Variants in KIAA2012 observed in about 807,000 individuals in gnomAD.
KIAA2012 encodes uncharacterized protein KIAA2012.
Under a neutral mutation model 150.6 loss-of-function variants are expected in KIAA2012, and 125 were observed. That is an observed-to-expected ratio of 0.83 (90% CI 0.72 to 0.96). The LOEUF (loss-of-function observed/expected upper bound fraction) is 0.96. Among genes scored for constraint, KIAA2012 ranks in the 40% least tolerant of loss-of-function variants. The probability of loss-of-function intolerance (pLI) is 0.00; values close to 1 mark genes in which losing one functional copy is unlikely to be tolerated. For missense variants in KIAA2012, 1,219 were observed against 1,354.9 expected, an observed-to-expected ratio of 0.90 and a Z score of 1.57; for synonymous variants, 462 against 504.7, an observed-to-expected ratio of 0.92 and a Z score of 1.13.
chr2:202,162,141 TGC>T lies in KIAA2012; in HGVS notation c.2047-3142_2047-3141del. Reference sequence around the variant, plus strand: ...CTCCCTTCCCTTGAACAACTGGAGTTGCTAGTTTCCTGTGTCCCCTTCCTAGA... The same window carrying T: ...CTCCCTTCCCTTGAACAACTGGAGTTTAGTTTCCTGTGTCCCCTTCCTAGA... On this transcript the variant is annotated intron_variant, in intron 14 of 23. Coordinates refer to ENST00000498697, the MANE Select transcript of KIAA2012 (RefSeq NM_001277372.4). Among the ~76,000 whole-genome samples, 2 of 152,168 alleles carry T rather than the reference TGC, an allele frequency of 1.3e-5. 1 individual carries two copies. Among genetic ancestry groups the T allele is most frequent in the South Asian group, 4.1e-4 (2 of 4,826 alleles).
At chr2:202,161,117 G>T (rs1368137510) in intron 14 of KIAA2012, among the ~76,000 whole-genome samples, 3 of 152,114 alleles carry the variant, frequency 2.0e-5, no homozygotes, top group Admixed American at 2.0e-4. Flanking sequence ...AGAAACTGAG[G>T]CTCAGGGGTT....
chr2:202,184,907 G>C (rs1324700571), intron 16 of KIAA2012, 64 bp downstream of exon 16: 1 of 1,370,318 alleles, frequency 7.3e-7, no homozygotes, highest in Non-Finnish European at 9.9e-7. Context: ...ATTTTTAATT[G>C]GTTTAGTTTG....
At chr2:202,109,812 G>A (rs947424979) in intron 10 of KIAA2012, 23 bp downstream of exon 10, 1 of 1,512,092 alleles carries the variant, frequency 6.6e-7, no homozygotes, top group Admixed American at 2.3e-5. Flanking sequence ...AGAGTGCATA[G>A]ACGCCCCCCA....
chr2:202,077,523 A>C (rs1212336322), intron 2 of KIAA2012, among the ~76,000 whole-genome samples: 1 of 152,246 alleles, frequency 6.6e-6, no homozygotes, highest in East Asian at 1.9e-4. Context: ...TACAAAACAG[A>C]ATATGTAGTC....
intron 2 of KIAA2012, among the ~76,000 whole-genome samples, chr2:202,083,455 C>T (rs972602464): frequency 2.0e-5 from 3 of 148,334 alleles, no homozygotes; most frequent in East Asian, 2.1e-4. Context: ...ACAGGTGCAA[C>T]GACAATGATC....
rs1409451827 is a variant in KIAA2012, at chr2:202,109,799, C to T, written c.1651+10C>T. On this transcript the variant is annotated intron_variant, in intron 10 of 23. Transcript: ENST00000498697. ...CTGCCAGCAGCTCAAGGTAATCATT[C>T]CCAGAGTGCATAGACGCCCCCCACT... is the stretch of plus-strand genomic sequence containing the variant. The T allele has an allele frequency of 6.5e-7, 1 of 1,538,674 alleles. No homozygotes were observed. The highest frequency in any genetic ancestry group is 8.8e-7 in the Non-Finnish European group (1 of 1,142,178).
Position 202,173,075 on chromosome 2 carries a change from G to A in KIAA2012, c.2119+7719G>A, listed in dbSNP as rs568989083. ...GAAGTAGGAAGTGGTGCACGCTTAA[G>A]AATGTTTCTGGTTTACTCCTACACA... On this transcript the variant is annotated intron_variant, in intron 15 of 23. Transcript: ENST00000498697. Among the ~76,000 whole-genome samples the A allele has an allele frequency of 2.0e-5, 3 of 152,296 alleles. No individual in the cohort carries two copies. In the South Asian group the frequency reaches 6.2e-4, roughly 32 times the overall value.
chr2:202,098,850 G>A (rs1039487903), intron 5 of KIAA2012, among the ~76,000 whole-genome samples: 6 of 151,242 alleles, frequency 4.0e-5, no homozygotes, highest in African/African-American at 9.7e-5. Flanking sequence ...GATAACAATT[G>A]TTCAGAGCAA....
In KIAA2012 at chr2:202,202,416, G is replaced by C; in HGVS notation, c.3408-13G>C. ...AATCATTATTGGAATTGGGGGTGGG[G>C]TTGTCTCCTTAGGCAAAAAGCTGCT... is the stretch of plus-strand genomic sequence containing the variant. On this transcript the variant is annotated splice_polypyrimidine_tract_variant and intron_variant, in intron 22 of 23. Coordinates refer to ENST00000498697, the MANE Select transcript of KIAA2012 (RefSeq NM_001277372.4). 1 of 399,724 alleles carries C rather than the reference G, an allele frequency of 2.5e-6. No homozygotes were observed. The highest frequency in any genetic ancestry group is 4.4e-6 in the Non-Finnish European group (1 of 226,692). The allele number at this position is 399,724 out of a possible 1,614,324, so 24.8% of individuals were successfully genotyped here.
chr2:202,152,853 T>G lies in KIAA2012; in HGVS notation c.1909-1820T>G, dbSNP rs567056893. On this transcript the variant is annotated intron_variant, in intron 13 of 23. Transcript: ENST00000498697. ...TCATCATTAATGTTTAAAAGTAATA[T>G]AAATGTTATGGGAGGGAGAGTTTAT... 1.8e-4 allele frequency among the ~76,000 whole-genome samples: 28 copies of G among 152,262 alleles called. 1 individual carries two copies. Among genetic ancestry groups the G allele is most frequent in the South Asian group, 4.2e-4 (2 of 4,818 alleles).
At chr2:202,092,598 G>A (rs1046961402) in intron 3 of KIAA2012, among the ~76,000 whole-genome samples, 4 of 152,028 alleles carry the variant, frequency 2.6e-5, no homozygotes, top group African/African-American at 4.8e-5. Context: ...CTGGCTAGCC[G>A]AGGGGTGGGC....
chr2:202,129,098 G>A (rs1351888020), intron 12 of KIAA2012, among the ~76,000 whole-genome samples: 10 of 151,588 alleles, frequency 6.6e-5, no homozygotes, highest in Non-Finnish European at 1.5e-4. Context: ...TGGGCAGCAA[G>A]AGCAAAACTC....
At chr2:202,201,464 G>A in intron 22 of KIAA2012, 1 of 1,592,992 alleles carries the variant, frequency 6.3e-7, no homozygotes, top group Non-Finnish European at 8.6e-7. Flanking sequence ...CTGCCTGCAT[G>A]ACTGCAAGCT....
At chr2:202,100,553 A>G (rs1690017250) in intron 7 of KIAA2012, 104 bp downstream of exon 7, 1 of 1,315,392 alleles carries the variant, frequency 7.6e-7, no homozygotes, top group South Asian at 1.6e-5. Context: ...AGGATGTCTC[A>G]AAAGAGAACT....
chr2:202,088,924 G>A (rs1053439620), intron 2 of KIAA2012, among the ~76,000 whole-genome samples: 1 of 152,102 alleles, frequency 6.6e-6, no homozygotes. Flanking sequence ...CAGAGCTCAC[G>A]CAAGATCACA....
chr2:202,199,449 T>C, intron 22 of KIAA2012, among the ~76,000 whole-genome samples: 1 of 152,164 alleles, frequency 6.6e-6, no homozygotes, highest in East Asian at 1.9e-4. Flanking sequence ...TTTATATTTG[T>C]ATTTTTTATT....
chr2:202,201,727 T>G (rs1574321120), intron 22 of KIAA2012: 1 of 1,485,402 alleles, frequency 6.7e-7, no homozygotes, highest in South Asian at 1.1e-5. Flanking sequence ...TGGCAGCCCC[T>G]GGGGTGCACA....
rs923291513 is a variant in KIAA2012, at chr2:202,201,508, G to T, written c.3408-921G>T. 3.7e-6 allele frequency: 6 copies of T among 1,607,208 alleles called. No individual in the cohort carries two copies. In the African/African-American group the frequency reaches 5.3e-5, roughly 14 times the overall value. Reference sequence around the variant, plus strand: ...CTGGGAGGGCATCCAGGAGGTGGAGGAAGAATGTTGCCAGCAGTAGCCCCA... The same window carrying T: ...CTGGGAGGGCATCCAGGAGGTGGAGTAAGAATGTTGCCAGCAGTAGCCCCA... On this transcript the variant is annotated intron_variant, in intron 22 of 23. Transcript: ENST00000498697.
chr2:202,170,990 G>C (rs548761476), intron 15 of KIAA2012, among the ~76,000 whole-genome samples: 25 of 152,276 alleles, frequency 1.6e-4, no homozygotes, highest in African/African-American at 5.5e-4. Flanking sequence ...GCAACAGTGA[G>C]GCTGACCTCC....
Sources: allele counts gnomAD v4.1 joint callset (sites outside exome capture counted in the v4.1 genomes callset), GRCh38; gene constraint gnomAD v4.1.1; transcripts MANE v1.5; gene names NCBI Gene and HGNC (gene_info 2026-07-23, HGNC 2026-07-21).